The following ZNF516 variants were observed in gnomAD, a reference collection of about 807,000 sequenced individuals.
ZNF516 encodes zinc finger protein 516.
A neutral mutation model predicts 79.7 loss-of-function variants in ZNF516; 19 were observed. The observed-to-expected ratio is 0.24, with a 90% CI of 0.17 to 0.35. ZNF516 has a LOEUF of 0.35. Among genes scored for constraint, ZNF516 ranks in the 10% least tolerant of loss-of-function variants. The pLI is 1.00. For synonymous variants in ZNF516, 877 were observed against 739.5 expected, an observed-to-expected ratio of 1.19 and a Z score of -3.02; for missense variants, 1,678 against 1,679.5, an observed-to-expected ratio of 1.00 and a Z score of 0.02.
At chr18:76,456,006 T>C (rs902531250) in intron 2 of ZNF516, among the ~76,000 whole-genome samples, 5 of 152,320 alleles carry the variant, frequency 3.3e-5, no homozygotes, top group Middle Eastern at 3.4e-3. Context: ...GGGCTCGGCA[T>C]CCTCAAACAG....
chr18:76,471,641 T>C (rs1913846780), intron 1 of ZNF516, among the ~76,000 whole-genome samples: 3 of 152,114 alleles, frequency 2.0e-5, no homozygotes, highest in Admixed American at 2.0e-4. Context: ...CAGGCACCAG[T>C]CGGGGCCTCA....
intron 1 of ZNF516, among the ~76,000 whole-genome samples, chr18:76,480,052 G>T (rs933223271): frequency 6.6e-6 from 1 of 150,674 alleles, no homozygotes; most frequent in Admixed American, 6.6e-5. Context: ...GGTTTGTGGC[G>T]GGGCGCCCCT....
chr18:76,474,367 T>C (rs1599146915), intron 1 of ZNF516, among the ~76,000 whole-genome samples: 1 of 152,092 alleles, frequency 6.6e-6, no homozygotes, highest in East Asian at 1.9e-4. Context: ...TTCAAAACAG[T>C]ACAGGTCCCA....
At chr18:76,390,185 A>G (rs1043998875) in intron 3 of ZNF516, among the ~76,000 whole-genome samples, 1 of 152,158 alleles carries the variant, frequency 6.6e-6, no homozygotes, top group Non-Finnish European at 1.5e-5. Flanking sequence ...AGTATGCGCT[A>G]AGGTTTTTAA....
At chr18:76,408,071 C>CCT (rs2075325745) in intron 3 of ZNF516, among the ~76,000 whole-genome samples, 1 of 152,178 alleles carries the variant, frequency 6.6e-6, no homozygotes, top group Non-Finnish European at 1.5e-5. Flanking sequence ...GGCTTTTTCC[C>CCT]ATATGGTTCA....
At chr18:76,476,256 A>C (rs1914167087) in intron 1 of ZNF516, among the ~76,000 whole-genome samples, 1 of 152,244 alleles carries the variant, frequency 6.6e-6, no homozygotes, top group Admixed American at 6.5e-5. Flanking sequence ...TAGTATGAAA[A>C]GAAAGGTGCT....
At chr18:76,400,409 G>A (rs969453589) in intron 3 of ZNF516, among the ~76,000 whole-genome samples, 4 of 152,182 alleles carry the variant, frequency 2.6e-5, no homozygotes, top group African/African-American at 7.2e-5. Flanking sequence ...TGAGCACTTG[G>A]TAGGATTTGC....
intron 3 of ZNF516, among the ~76,000 whole-genome samples, chr18:76,438,812 G>C (rs2075778299): frequency 6.6e-6 from 1 of 152,154 alleles, no homozygotes; most frequent in Admixed American, 6.5e-5. Context: ...GCACAACTGG[G>C]TATTACTGGA....
chr18:76,473,833 ATAAAGGG>A, intron 1 of ZNF516, among the ~76,000 whole-genome samples: 1 of 146,700 alleles, frequency 6.8e-6, no homozygotes, highest in Non-Finnish European at 1.5e-5. Flanking sequence ...TCTTATAATC[ATAAAGGG>A]TAAAGTAGAA....
At chr18:76,494,654 T>C (rs1915407061) in intron 1 of ZNF516, among the ~76,000 whole-genome samples, 1 of 151,928 alleles carries the variant, frequency 6.6e-6, no homozygotes, top group South Asian at 2.1e-4. Flanking sequence ...GCCAAACCCT[T>C]AATAATTGAA....
chr18:76,426,439 T>G (rs1022362333), intron 3 of ZNF516, among the ~76,000 whole-genome samples: 1 of 152,374 alleles, frequency 6.6e-6, no homozygotes, highest in African/African-American at 2.4e-5. Flanking sequence ...AAATACGGCA[T>G]GTCCAGTTAT....
intron 3 of ZNF516, among the ~76,000 whole-genome samples, chr18:76,427,636 C>A (rs910766366): frequency 6.6e-6 from 1 of 152,036 alleles, no homozygotes; most frequent in African/African-American, 2.4e-5. Context: ...ACCATAAAGA[C>A]AATTCTGATG....
intron 2 of ZNF516, among the ~76,000 whole-genome samples, chr18:76,450,135 G>A (rs1217671921): frequency 1.5e-5 from 2 of 137,776 alleles, no homozygotes; most frequent in East Asian, 4.7e-4. Context: ...GAAAGAGAGA[G>A]ACGGAGAGAA....
At chr18:76,495,972 C>G (rs972911880), upstream of ZNF516, among the ~76,000 whole-genome samples, 1 of 152,212 alleles carries the variant, frequency 6.6e-6, no homozygotes. Flanking sequence ...GGGTTGTTTA[C>G]CGGTAGCCTC....
Position 76,492,289 on chromosome 18 carries a change from G to A in ZNF516, c.-272+2855C>T, listed in dbSNP as rs1204489663. On this transcript the variant is annotated intron_variant, in intron 1 of 6. Coordinates refer to ENST00000443185, the MANE Select transcript of ZNF516 (RefSeq NM_014643.4). Reference sequence around the variant, plus strand: ...GCTTCCCGAGGTGCGTACTACGCGAGCCACACACATCACTACCGATATTCC... The same window carrying A: ...GCTTCCCGAGGTGCGTACTACGCGAACCACACACATCACTACCGATATTCC... 3 of 985,346 alleles carry A rather than the reference G, an allele frequency of 3.0e-6. No individual in the cohort carries two copies. The East Asian group carries it at 3.4e-4, about 112-fold the overall frequency. 61.0% of individuals were successfully genotyped at this position (985,346 alleles called of 1,614,324 possible).
At chr18:76,418,340 C>T (rs1246308534) in intron 3 of ZNF516, among the ~76,000 whole-genome samples, 11 of 152,032 alleles carry the variant, frequency 7.2e-5, no homozygotes, top group African/African-American at 1.5e-4. Flanking sequence ...CACTATAACA[C>T]GCTGTGACAT....
rs370591583 is a variant in ZNF516, at chr18:76,441,486, G to T, written c.1569C>A (p.Ile523=). 6.2e-7 allele frequency: 1 copy of T among 1,600,988 alleles called. No individual in the cohort carries two copies. Residue 523 remains isoleucine (I), a synonymous_variant, in exon 3 of 7, where the codon ATC becomes ATA. Coordinates refer to ENST00000443185, the MANE Select transcript of ZNF516 (RefSeq NM_014643.4). ...KSSECFECGK[I]FRTYHQMVLH... is the part of the protein sequence containing the mutation. Reference sequence around the variant, plus strand: ...GCACCATCTGATGATAGGTGCGGAAGATCTTGCCGCACTCGAAGCACTCGG... The same window carrying T: ...GCACCATCTGATGATAGGTGCGGAATATCTTGCCGCACTCGAAGCACTCGG...
chr18:76,440,614 T>C (rs1368189011), intron 3 of ZNF516, among the ~76,000 whole-genome samples: 1 of 152,230 alleles, frequency 6.6e-6, no homozygotes, highest in East Asian at 1.9e-4. Flanking sequence ...TGAAAAGTAA[T>C]CTGTTCCAAT....
At chr18:76,395,960 T>A (rs542194051) in intron 3 of ZNF516, among the ~76,000 whole-genome samples, 1 of 152,312 alleles carries the variant, frequency 6.6e-6, no homozygotes, top group East Asian at 1.9e-4. Context: ...AAGCCCTGCC[T>A]TCTTCCCAGC....
Sources: allele counts gnomAD v4.1 joint callset (sites outside exome capture counted in the v4.1 genomes callset), GRCh38; gene constraint gnomAD v4.1.1; transcripts MANE v1.5; gene names NCBI Gene and HGNC (gene_info 2026-07-23, HGNC 2026-07-21).